Variants in TEF observed in about 807,000 individuals in gnomAD.
The protein encoded by TEF is thyrotroph embryonic factor.
A neutral mutation model predicts 20.8 loss-of-function variants in TEF; 3 were observed. That is an observed-to-expected ratio of 0.14 (90% CI 0.07 to 0.37). TEF has a LOEUF of 0.37. Ranked by LOEUF, TEF falls within the 10% of genes least tolerant of loss-of-function variation. The pLI, the probability that TEF is intolerant of heterozygous loss-of-function variation, is 1.00. For missense variants in TEF, 296 were observed against 397.9 expected (o/e 0.74, Z 2.18); for synonymous variants, 180 against 171.1 (o/e 1.05, Z -0.41).
chr22:41,389,822 C>T (rs2037144992), intron 2 of TEF, among the ~76,000 whole-genome samples: 1 of 152,100 alleles, frequency 6.6e-6, no homozygotes. Flanking sequence ...TACTAACGTA[C>T]CACAGCTTAT....
upstream of TEF, among the ~76,000 whole-genome samples, chr22:41,379,142 G>A (rs1285486852): frequency 6.6e-6 from 1 of 152,026 alleles, no homozygotes; most frequent in East Asian, 1.9e-4. Flanking sequence ...TTCGAGACCA[G>A]CCTGGCCAAT....
At chr22:41,381,916 A>G (rs1453037725), upstream of TEF, 1 of 1,225,954 alleles carries the variant, frequency 8.2e-7, no homozygotes, top group Non-Finnish European at 1.0e-6. Flanking sequence ...CGATGGAAGG[A>G]GGCGGGGGCG....
At chr22:41,391,213 C>T (rs2037161146) in intron 2 of TEF, among the ~76,000 whole-genome samples, 1 of 152,174 alleles carries the variant, frequency 6.6e-6, no homozygotes, top group South Asian at 2.1e-4. Context: ...CCAGAGCCCT[C>T]CAGGTGTTCT....
intron 1 of TEF, among the ~76,000 whole-genome samples, chr22:41,385,183 G>A (rs1397073964): frequency 6.6e-6 from 1 of 151,914 alleles, no homozygotes; most frequent in East Asian, 2.0e-4. Flanking sequence ...GACCAACATG[G>A]AGAAACCCTG....
At chr22:41,382,303 G>A (rs774672239) in intron 1 of TEF, 102 bp downstream of exon 1, 7 of 1,040,334 alleles carry the variant, frequency 6.7e-6, no homozygotes, top group Non-Finnish European at 8.6e-6. Context: ...AGGGAGCAGT[G>A]GTCCAGCGGA....
chr22:41,371,132 G>A (rs754160740), intron 1 of TEF, among the ~76,000 whole-genome samples: 1 of 152,164 alleles, frequency 6.6e-6, no homozygotes, highest in Non-Finnish European at 1.5e-5. Flanking sequence ...AGCTCTTAAC[G>A]TCTTTCTCTT....
chr22:41,369,218 C>T (rs2036852940), intron 1 of TEF: 1 of 985,252 alleles, frequency 1.0e-6, no homozygotes, highest in South Asian at 4.7e-5. Flanking sequence ...GTCTCTGGCT[C>T]CCAGCTGGTC....
At chr22:41,370,692 G>A (rs576155997) in intron 1 of TEF, among the ~76,000 whole-genome samples, 8 of 152,308 alleles carry the variant, frequency 5.3e-5, no homozygotes, top group Admixed American at 2.0e-4. Flanking sequence ...GATTACAGGC[G>A]TGAGCCACTG....
chr22:41,390,621 C>T (rs2037153104), intron 2 of TEF, among the ~76,000 whole-genome samples: 1 of 151,300 alleles, frequency 6.6e-6, no homozygotes, highest in Non-Finnish European at 1.5e-5. Flanking sequence ...GCCTCAGCCT[C>T]CTGAGTAGCT....
At chr22:41,378,161 C>T (rs1407357827), upstream of TEF, among the ~76,000 whole-genome samples, 1 of 100,228 alleles carries the variant, frequency 1.0e-5, no homozygotes. Flanking sequence ...GCTTCCTTAG[C>T]TTCCTTTTTT....
chr22:41,394,538 T>C (rs2037205652), intron 3 of TEF, among the ~76,000 whole-genome samples: 1 of 152,196 alleles, frequency 6.6e-6, no homozygotes, highest in Non-Finnish European at 1.5e-5. Flanking sequence ...GTTTCTCTCC[T>C]TCCCCGGGCC....
At chr22:41,379,443 G>A (rs1417615072), upstream of TEF, among the ~76,000 whole-genome samples, 1 of 151,856 alleles carries the variant, frequency 6.6e-6, no homozygotes, top group African/African-American at 2.4e-5. Flanking sequence ...GGAGGCAGAG[G>A]TTGCAGTGAG....
intron 2 of TEF, among the ~76,000 whole-genome samples, chr22:41,393,532 G>A (rs1007782461): frequency 2.0e-5 from 3 of 152,032 alleles, no homozygotes; most frequent in Admixed American, 6.6e-5. Context: ...CAAGGCAGGC[G>A]GATCACAAGG....
intron 1 of TEF, among the ~76,000 whole-genome samples, chr22:41,371,321 G>A (rs1012670896): frequency 6.6e-6 from 1 of 152,218 alleles, no homozygotes; most frequent in Non-Finnish European, 1.5e-5. Flanking sequence ...ACACCTCAAA[G>A]GCTGAACAAG....
intron 1 of TEF, among the ~76,000 whole-genome samples, chr22:41,374,981 G>A (rs891923432): frequency 4.6e-5 from 7 of 152,130 alleles, no homozygotes; most frequent in South Asian, 2.1e-4. Context: ...TTCAAGGGCC[G>A]ACTAAAGTGG....
rs2037230612 is a variant in TEF at position 41,396,504 on chromosome 22, C to T, written c.*544C>T. 1 of 167,508 alleles carries T rather than the reference C, an allele frequency of 6.0e-6. No homozygotes were observed. The highest frequency in any genetic ancestry group is 2.0e-4 in the South Asian group (1 of 5,088). The allele number at this position is 167,508 out of a possible 1,614,324, so 10.4% of individuals were successfully genotyped here. ...ACACCAGCTCCTCCGTCAGTGTCTGCATGGGTAGCAGGCTGCAGGAGTGGG... is the reference window on the plus strand; with the variant it reads ...ACACCAGCTCCTCCGTCAGTGTCTGTATGGGTAGCAGGCTGCAGGAGTGGG... On this transcript the variant is annotated 3_prime_UTR_variant, in exon 4 of 4. Transcript: ENST00000266304.
chr22:41,378,595 C>T (rs570326763), upstream of TEF, among the ~76,000 whole-genome samples: 123 of 152,210 alleles, frequency 8.1e-4, no homozygotes, highest in Admixed American at 3.3e-3. Context: ...CCTCCCGGCT[C>T]GGCCTCCCAA....
At chr22:41,388,000 T>TTTTTG in intron 2 of TEF, among the ~76,000 whole-genome samples, 1 of 126,932 alleles carries the variant, frequency 7.9e-6, no homozygotes, top group Non-Finnish European at 1.7e-5. Flanking sequence ...TTTTTTTTTT[T>TTTTTG]TTTTTTTTTT....
At chr22:41,367,534 T>C (rs1188165244) in exon 1 of TEF, 5 of 1,550,960 alleles carry the variant, frequency 3.2e-6, no homozygotes, top group Admixed American at 2.0e-5. Context: ...GCCCCTGCCA[T>C]GGACATGCCT....
Sources: allele counts gnomAD v4.1 joint callset (sites outside exome capture counted in the v4.1 genomes callset), GRCh38; gene constraint gnomAD v4.1.1; transcripts MANE v1.5; gene names NCBI Gene and HGNC (gene_info 2026-07-23, HGNC 2026-07-21).